The following BABAM2 variants were observed in gnomAD, a reference collection of about 807,000 sequenced individuals.
BABAM2 encodes BRISC and BRCA1 A complex member 2, also known as BRISC and BRCA1-A complex member 2.
Under a neutral mutation model 54.7 loss-of-function variants are expected in BABAM2, and 31 were observed. That is an observed-to-expected ratio of 0.57 (90% CI 0.43 to 0.77). BABAM2 has a LOEUF of 0.77. Among genes scored for constraint, BABAM2 ranks in the 30% least tolerant of loss-of-function variants. BABAM2 has a pLI of 0.00. For synonymous variants in BABAM2, 167 were observed against 162.9 expected (o/e 1.03, Z -0.19); for missense variants, 364 against 455.8 (o/e 0.80, Z 1.83).
intron 1 of BABAM2, among the ~76,000 whole-genome samples, chr2:27,892,116 A>T (rs565736474): frequency 6.6e-6 from 1 of 152,338 alleles, no homozygotes; most frequent in African/African-American, 2.4e-5. Flanking sequence ...TGAGAGAAAG[A>T]TGGGTATAGT....
chr2:27,898,251 A>G (rs1665498907), intron 2 of BABAM2, among the ~76,000 whole-genome samples: 1 of 152,264 alleles, frequency 6.6e-6, no homozygotes, highest in South Asian at 2.1e-4. Flanking sequence ...TGGTTCATCA[A>G]GATTGTGCCT....
At chr2:28,199,974 TG>T (rs1202542059) in intron 7 of BABAM2, among the ~76,000 whole-genome samples, 1 of 152,230 alleles carries the variant, frequency 6.6e-6, no homozygotes, top group African/African-American at 2.4e-5. Flanking sequence ...AATGTGTTAA[TG>T]AAAGTGAACT....
In BABAM2 at chr2:27,932,282, C is replaced by G. The variant is rs532863761; in HGVS notation, c.205+2374C>G. On this transcript the variant is annotated intron_variant, in intron 3 of 11. Coordinates refer to ENST00000379624, the MANE Select transcript of BABAM2 (RefSeq NM_199191.3). ...AGGAACTCTTTCTTGCACTGTTTCT[C>G]ATTCTCAGCATCTTGTTCTTATTTT... 3.9e-5 allele frequency among the ~76,000 whole-genome samples: 6 copies of G among 152,232 alleles called. No homozygotes were observed. In the South Asian group the frequency reaches 1.0e-3, roughly 26 times the overall value.
At chr2:28,288,479 C>T (rs1687009607) in intron 10 of BABAM2, among the ~76,000 whole-genome samples, 1 of 152,026 alleles carries the variant, frequency 6.6e-6, no homozygotes, top group East Asian at 1.9e-4. Flanking sequence ...GCACCCACCA[C>T]CAAGCCAGGC....
In BABAM2 at chr2:28,274,642, G is replaced by A. The variant is rs566696546; in HGVS notation, c.935-23696G>A. Among the ~76,000 whole-genome samples, 3 of 152,186 alleles carry A rather than the reference G, an allele frequency of 2.0e-5. No individual in the cohort carries two copies. In the South Asian group the frequency reaches 6.2e-4, roughly 32 times the overall value. On this transcript the variant is annotated intron_variant, in intron 10 of 11. Transcript: ENST00000379624. ...AGACAGGGTTTTGCCATGTTGCCCA[G>A]GCTTCTAAACCATGTTTTAACTCTT...
At chr2:28,298,558 A>T in intron 11 of BABAM2, 67 bp downstream of exon 11, 4 of 1,590,232 alleles carry the variant, frequency 2.5e-6, no homozygotes, top group Non-Finnish European at 3.4e-6. Flanking sequence ...GGGGTTGGCA[A>T]GCTACTGCTT....
At chr2:28,253,146 G>A (rs1360922395) in intron 10 of BABAM2, among the ~76,000 whole-genome samples, 2 of 152,090 alleles carry the variant, frequency 1.3e-5, no homozygotes, top group African/African-American at 2.4e-5. Flanking sequence ...GCTCATGCCC[G>A]TAATCCTAGC....
intron 11 of BABAM2, among the ~76,000 whole-genome samples, chr2:28,307,034 T>C (rs1192928315): frequency 2.3e-5 from 2 of 86,594 alleles, no homozygotes; most frequent in South Asian, 4.1e-4. Context: ...TGAGACAGAG[T>C]CTTATTCTGT....
At chr2:28,131,076 A>ATTTTTTT (rs1179062903) in intron 7 of BABAM2, among the ~76,000 whole-genome samples, 10 of 5,120 alleles carry the variant, frequency 2.0e-3, no homozygotes, top group Admixed American at 6.0e-3. Context: ...TATTATTATT[A>ATTTTTTT]TTATTTTTTT....
chr2:28,108,450 A>G (rs999385328), intron 6 of BABAM2, among the ~76,000 whole-genome samples: 4 of 152,216 alleles, frequency 2.6e-5, no homozygotes, highest in African/African-American at 9.6e-5. Context: ...ATAAATGTTC[A>G]TCAATTGGTC....
chr2:28,174,471 A>C (rs1365522150), intron 7 of BABAM2, among the ~76,000 whole-genome samples: 1 of 152,240 alleles, frequency 6.6e-6, no homozygotes, highest in Non-Finnish European at 1.5e-5. Context: ...AGAATCTAGG[A>C]GAGAACACTG....
intron 6 of BABAM2, among the ~76,000 whole-genome samples, chr2:28,047,582 T>A (rs1177805348): frequency 6.6e-6 from 1 of 151,834 alleles, no homozygotes; most frequent in Non-Finnish European, 1.5e-5. Flanking sequence ...ATTTATCTCT[T>A]CAGCATCAAA....
chr2:28,078,728 T>G (rs1664909383), intron 6 of BABAM2, among the ~76,000 whole-genome samples: 1 of 152,118 alleles, frequency 6.6e-6, no homozygotes, highest in Non-Finnish European at 1.5e-5. Flanking sequence ...TTGGCAGTGT[T>G]GATTTGGAAT....
chr2:28,219,711 T>C (rs1294421419), intron 7 of BABAM2, among the ~76,000 whole-genome samples: 1 of 150,976 alleles, frequency 6.6e-6, no homozygotes, highest in East Asian at 1.9e-4. Flanking sequence ...CAGTGAGAAA[T>C]TGCTTTATGT....
At chr2:27,981,732 A>G (rs1475882435) in intron 3 of BABAM2, among the ~76,000 whole-genome samples, 2 of 152,158 alleles carry the variant, frequency 1.3e-5, no homozygotes, top group African/African-American at 4.8e-5. Flanking sequence ...CATTACATGT[A>G]TAATGTCACA....
intron 11 of BABAM2, among the ~76,000 whole-genome samples, chr2:28,299,051 A>C (rs1687915463): frequency 6.6e-6 from 1 of 152,054 alleles, no homozygotes; most frequent in South Asian, 2.1e-4. Flanking sequence ...GCCGGTAGCT[A>C]CTCTTTCATA....
chr2:28,220,884 T>G (rs1339056192), intron 7 of BABAM2, among the ~76,000 whole-genome samples: 3 of 152,156 alleles, frequency 2.0e-5, no homozygotes, highest in African/African-American at 7.2e-5. Context: ...ATGGTGCCAC[T>G]GCACTCTGGT....
intron 7 of BABAM2, among the ~76,000 whole-genome samples, chr2:28,190,702 G>C (rs996754326): frequency 1.3e-5 from 2 of 151,992 alleles, no homozygotes; most frequent in Non-Finnish European, 2.9e-5. Flanking sequence ...ACAAGGGGGG[G>C]GCGGTGCTGT....
At chr2:27,938,146 T>G (rs1239774573) in intron 3 of BABAM2, among the ~76,000 whole-genome samples, 2 of 152,174 alleles carry the variant, frequency 1.3e-5, no homozygotes, top group Non-Finnish European at 1.5e-5. Flanking sequence ...GGCTTTCCAT[T>G]AATTTTAGCA....
Sources: allele counts gnomAD v4.1 joint callset (sites outside exome capture counted in the v4.1 genomes callset), GRCh38; gene constraint gnomAD v4.1.1; transcripts MANE v1.5; gene names NCBI Gene and HGNC (gene_info 2026-07-23, HGNC 2026-07-21).